ZPBP: variants seen among roughly 807,000 people sequenced by gnomAD.
ZPBP encodes zona pellucida binding protein.
In ZPBP, 26 loss-of-function variants were observed where a neutral mutation model predicts 44.8. The ratio of observed to expected loss-of-function variants is 0.58; its 90% CI spans 0.43 to 0.81. The LOEUF is 0.81. ZPBP is among the 30% of genes least tolerant of loss of function. The pLI is 0.00. For synonymous variants in ZPBP, 174 were observed against 153.2 expected, an observed-to-expected ratio of 1.14 and a Z score of -1.00; for missense variants, 409 against 434.0, an observed-to-expected ratio of 0.94 and a Z score of 0.51.
Position 49,912,056 on chromosome 7 carries a change from C to T in ZPBP, n.412-10841G>A, listed in dbSNP as rs746597662. The T allele has an allele frequency of 7.6e-5, 122 of 1,613,440 alleles. No homozygotes were observed. The Middle Eastern group carries it at 2.5e-3, about 33-fold the overall frequency. On this transcript the variant is annotated intron_variant and non_coding_transcript_variant, in intron 1 of 2. Transcript: ENST00000465922. The stretch of plus-strand genomic sequence containing the variant: ...CAGGTCCAAACTGCTTTGCAGAAAC[C>T]GCGGTGATCCCTGCTGGCAGAGAAG...
chr7:49,970,050 G>A (rs796336154), intron 7 of ZPBP, among the ~76,000 whole-genome samples: 20 of 152,108 alleles, frequency 1.3e-4, no homozygotes, highest in African/African-American at 2.4e-4. Flanking sequence ...TAGTAGAGAC[G>A]GTGTTTAGCC....
At chr7:50,042,091 T>C (rs1356145182) in intron 4 of ZPBP, among the ~76,000 whole-genome samples, 1 of 152,010 alleles carries the variant, frequency 6.6e-6, no homozygotes, top group Non-Finnish European at 1.5e-5. Context: ...AAGATCAACT[T>C]AATGAAATAA....
rs374769528 is a variant in ZPBP, at chr7:49,907,067, C to G, written n.412-5852G>C. Among the ~76,000 whole-genome samples the G allele has an allele frequency of 1.5e-3, 234 of 152,052 alleles. 3 individuals carry two copies. The highest frequency in any genetic ancestry group is 5.4e-3 in the African/African-American group (224 of 41,446). Reference sequence around the variant, plus strand: ...GAGCCATAAAGAACAAGTACTGGGTCTGTGTATGGATGTGGAGTGATAAGC... The same window carrying G: ...GAGCCATAAAGAACAAGTACTGGGTGTGTGTATGGATGTGGAGTGATAAGC... On this transcript the variant is annotated intron_variant and non_coding_transcript_variant, in intron 1 of 2. Transcript: ENST00000465922.
At chr7:49,873,601 G>A (rs999773532) in intron 2 of ZPBP, among the ~76,000 whole-genome samples, 12 of 152,054 alleles carry the variant, frequency 7.9e-5, no homozygotes, top group African/African-American at 2.9e-4. Context: ...GGACTTCTTT[G>A]GAAAAAAGTT....
chr7:50,060,678 CCAA>C, intron 3 of ZPBP, among the ~76,000 whole-genome samples: 2 of 152,192 alleles, frequency 1.3e-5, no homozygotes, highest in Non-Finnish European at 1.5e-5. Context: ...CAAAAACCTA[CCAA>C]CAACAAAAAG....
intron 7 of ZPBP, among the ~76,000 whole-genome samples, chr7:49,945,524 G>A (rs1347324191): frequency 6.6e-6 from 1 of 151,968 alleles, no homozygotes; most frequent in Non-Finnish European, 1.5e-5. Flanking sequence ...ATATCTGGAT[G>A]CTCCTGTGTT....
chr7:49,941,352 T>C (rs775691016), intron 7 of ZPBP, among the ~76,000 whole-genome samples: 1 of 152,160 alleles, frequency 6.6e-6, no homozygotes, highest in Non-Finnish European at 1.5e-5. Context: ...TGCACCCATG[T>C]CCATTGTCAC....
chr7:50,084,793 T>C (rs7789869), intron 2 of ZPBP, among the ~76,000 whole-genome samples: 7,149 of 152,080 alleles, frequency 0.047, 188 homozygotes, highest in African/African-American at 0.067. Flanking sequence ...GCTTTAAAAG[T>C]TGTCATTGGG....
intron 2 of ZPBP, among the ~76,000 whole-genome samples, chr7:49,871,175 T>C (rs1321346637): frequency 2.0e-5 from 3 of 152,134 alleles, no homozygotes; most frequent in Admixed American, 6.5e-5. Context: ...ATTCAAGTGG[T>C]AAAAATAAAA....
At chr7:50,090,000 C>T (rs1423546775) in intron 1 of ZPBP, among the ~76,000 whole-genome samples, 1 of 152,114 alleles carries the variant, frequency 6.6e-6, no homozygotes, top group Non-Finnish European at 1.5e-5. Flanking sequence ...AATCACAAGT[C>T]CCTTCTCCTT....
chr7:50,087,112 C>A (rs1379309835), intron 2 of ZPBP, among the ~76,000 whole-genome samples: 1 of 152,012 alleles, frequency 6.6e-6, no homozygotes, highest in African/African-American at 2.4e-5. Flanking sequence ...TGAATTTTAC[C>A]AAACAATTAA....
intron 1 of ZPBP, among the ~76,000 whole-genome samples, chr7:49,905,373 G>C (rs1793030490): frequency 6.6e-6 from 1 of 152,178 alleles, no homozygotes; most frequent in Admixed American, 6.5e-5. Flanking sequence ...CGCTGTGAAA[G>C]AACCAGTACA....
chr7:49,843,196 A>G, the ZPBP span, among the ~76,000 whole-genome samples: 1 of 152,202 alleles, frequency 6.6e-6, no homozygotes, highest in Admixed American at 6.5e-5. Flanking sequence ...TACTGTAACC[A>G]ATAAGAAGTG....
At chr7:49,983,161 A>G (rs543493012) in intron 7 of ZPBP, among the ~76,000 whole-genome samples, 181 bp downstream of exon 7, 1 of 152,166 alleles carries the variant, frequency 6.6e-6, no homozygotes, top group South Asian at 2.1e-4. Flanking sequence ...CAAGGCCAAA[A>G]TTAAGCCAGA....
chr7:49,881,073 C>T lies in ZPBP; in HGVS notation n.509+20045G>A, dbSNP rs117848379. 2.6e-5 allele frequency among the ~76,000 whole-genome samples: 4 copies of T among 152,218 alleles called. No homozygotes were observed. In the East Asian group the frequency reaches 7.7e-4, roughly 29 times the overall value. On this transcript the variant is annotated intron_variant and non_coding_transcript_variant, in intron 2 of 2. Transcript: ENST00000465922. ...ATTCTCTGTTGGCCAATATCTTGCC[C>T]TATCTTGTCCTCCATTCCTGGCCTC...
rs149432089 is a variant in ZPBP at position 50,037,933 on chromosome 7, T to C, written c.488-6623A>G. 1.4e-4 allele frequency among the ~76,000 whole-genome samples: 21 copies of C among 152,254 alleles called. No individual in the cohort carries two copies. In the East Asian group the frequency reaches 4.1e-3, roughly 29 times the overall value. ...AGCCCCAGCTCCGTGTTGCTGAAGT[T>C]ATTAAGTTGCAGGTGAATCTGGCTG... On this transcript the variant is annotated intron_variant, in intron 4 of 7. Transcript: ENST00000046087.
At chr7:50,018,210 T>G (rs940215290) in intron 6 of ZPBP, 30 bp downstream of exon 6, 1 of 1,584,588 alleles carries the variant, frequency 6.3e-7, no homozygotes, top group African/African-American at 1.3e-5. Context: ...TTAACTTTTT[T>G]TTTCCTTTTA....
chr7:49,982,356 T>G (rs1326415365), intron 7 of ZPBP, among the ~76,000 whole-genome samples: 1 of 129,812 alleles, frequency 7.7e-6, no homozygotes, highest in Non-Finnish European at 1.6e-5. Flanking sequence ...TATATAATTA[T>G]ATATAATATA....
chr7:49,999,863 G>A (rs1423815570), intron 6 of ZPBP, among the ~76,000 whole-genome samples: 1 of 152,126 alleles, frequency 6.6e-6, no homozygotes, highest in African/African-American at 2.4e-5. Context: ...AGCTACAACT[G>A]GGCACCCTTT....
Sources: allele counts gnomAD v4.1 joint callset (sites outside exome capture counted in the v4.1 genomes callset), GRCh38; gene constraint gnomAD v4.1.1; transcripts MANE v1.5; gene names NCBI Gene and HGNC (gene_info 2026-07-23, HGNC 2026-07-21).